The following FBXW4 variants were observed in gnomAD, a reference collection of about 807,000 sequenced individuals.
FBXW4 encodes the protein F-box/WD repeat-containing protein 4.
A neutral mutation model predicts 61.8 loss-of-function variants in FBXW4; 40 were observed. The observed-to-expected ratio is 0.65, with a 90% CI of 0.50 to 0.84. The LOEUF (loss-of-function observed/expected upper bound fraction) is 0.84, where lower values mean the gene tolerates loss of function less well. Among genes scored for constraint, FBXW4 ranks in the 40% least tolerant of loss-of-function variants. FBXW4 has a pLI of 0.00. For missense variants in FBXW4, 672 were observed against 753.8 expected, an observed-to-expected ratio of 0.89 and a Z score of 1.27; for synonymous variants, 311 against 313.8, an observed-to-expected ratio of 0.99 and a Z score of 0.10.
intron 5 of FBXW4, among the ~76,000 whole-genome samples, chr10:101,636,405 A>C (rs989802154): frequency 6.6e-6 from 1 of 151,900 alleles, no homozygotes; most frequent in Non-Finnish European, 1.5e-5. Context: ...CGGAAAAAAA[A>C]AAAACAAAAA....
intron 2 of FBXW4, among the ~76,000 whole-genome samples, chr10:101,674,201 C>T (rs1176741652): frequency 3.3e-5 from 5 of 152,096 alleles, no homozygotes; most frequent in Non-Finnish European, 2.9e-5. Flanking sequence ...TAGTGGTACA[C>T]GCCGGTAATC....
chr10:101,692,211 A>C (rs1292210725), intron 1 of FBXW4, among the ~76,000 whole-genome samples: 1 of 152,000 alleles, frequency 6.6e-6, no homozygotes, highest in Non-Finnish European at 1.5e-5. Context: ...TTAAAATAGT[A>C]TGGAAATGGA....
In FBXW4 at chr10:101,663,587, T is replaced by C. The variant is rs140181233; in HGVS notation, c.1235+4299A>G. Among the ~76,000 whole-genome samples, 41 of 152,016 alleles carry C rather than the reference T, an allele frequency of 2.7e-4. No individual in the cohort carries two copies. In the East Asian group the frequency reaches 7.5e-3, roughly 28 times the overall value. On this transcript the variant is annotated intron_variant, in intron 5 of 8. Transcript: ENST00000331272. ...TGGGAGGATCACTTGAACCCAATAG[T>C]TCAAGTGATATATAATTGTGCCACT...
At chr10:101,616,891 A>G (rs1214706713) in intron 6 of FBXW4, among the ~76,000 whole-genome samples, 1 of 152,246 alleles carries the variant, frequency 6.6e-6, no homozygotes, top group Non-Finnish European at 1.5e-5. Context: ...ACAAAAAGTG[A>G]CAATGTCGTA....
At chr10:101,624,922 A>G in intron 5 of FBXW4, 112 bp from the exon 6 acceptor site, 1 of 1,179,198 alleles carries the variant, frequency 8.5e-7, no homozygotes, top group South Asian at 1.3e-5. Context: ...GGGTTAAGCC[A>G]GAATGAGAGA....
In FBXW4 at chr10:101,611,656, C is replaced by T; in HGVS notation, c.1556G>A (p.Trp519Ter). The T allele has an allele frequency of 1.2e-6, 2 of 1,614,202 alleles. No individual in the cohort carries two copies. The highest frequency in any genetic ancestry group is 1.7e-6 in the Non-Finnish European group (2 of 1,180,028). The stretch of plus-strand genomic sequence containing the variant: ...CAGGCAGGCCCTTTGACGCCGGTCC[C>T]ACAGCCGTACAACACCGTAGTAGGA... ...GSSYYGVVRLWDRRQRACLHA... is the reference protein window; with the variant it reads ...GSSYYGVVRL The change falls in exon 8 of 9, where the codon TGG becomes TAG. Residue 519 changes from tryptophan (W) to a stop codon, truncating the protein, a stop_gained. Transcript: ENST00000331272. LOFTEE classifies it high-confidence loss of function. This position sits in a 1 kb window ranked among gnomAD's most constrained non-coding sequence, Gnocchi z 4.9.
rs765845910 is a variant in FBXW4 at position 101,694,395 on chromosome 10, C to T, written c.711G>A (p.Arg237=). 1.9e-5 allele frequency: 28 copies of T among 1,476,748 alleles called. No homozygotes were observed. The highest frequency in any genetic ancestry group is 7.2e-5 in the Admixed American group (3 of 41,932). 91.5% of individuals were successfully genotyped at this position (1,476,748 alleles called of 1,614,324 possible). The stretch of plus-strand genomic sequence containing the variant: ...CGGACGCTTACAGGTCGGTGCCGAG[C>T]CGCGTGAAGCCGGAGTTGAGCGAGG... The part of the protein sequence containing the change: ...ARASLNSGFT[R]LGTDLMTSVP... The change falls in exon 1 of 9, where the codon CGG becomes CGA. Residue 237 remains arginine (R), a synonymous_variant. Coordinates refer to ENST00000331272, the MANE Select transcript of FBXW4 (RefSeq NM_022039.4). This position sits in a 1 kb window ranked among gnomAD's most constrained non-coding sequence, Gnocchi z 6.0.
intron 6 of FBXW4, among the ~76,000 whole-genome samples, chr10:101,621,635 A>G (rs2063867735): frequency 6.6e-6 from 1 of 152,308 alleles, no homozygotes; most frequent in East Asian, 1.9e-4. Flanking sequence ...GGTGACAGGC[A>G]CTGTATGGGA....
At chr10:101,638,545 T>C (rs1195028723) in intron 5 of FBXW4, among the ~76,000 whole-genome samples, 2 of 151,082 alleles carry the variant, frequency 1.3e-5, no homozygotes, top group South Asian at 4.2e-4. Flanking sequence ...CTGAAGGAGA[T>C]TTTTCCTTTC....
intron 6 of FBXW4, 119 bp from the exon 7 acceptor site, chr10:101,612,596 A>C: frequency 1.2e-5 from 14 of 1,175,704 alleles, no homozygotes; most frequent in Non-Finnish European, 1.1e-5. Flanking sequence ...AATGAGACTC[A>C]AGGAAGGGGG....
intron 5 of FBXW4, among the ~76,000 whole-genome samples, chr10:101,650,903 G>A (rs1315862131): frequency 1.3e-5 from 2 of 152,216 alleles, no homozygotes; most frequent in Non-Finnish European, 2.9e-5. Context: ...CTCGAGAGAC[G>A]CGGCCTGTTG....
chr10:101,672,769 G>T, intron 4 of FBXW4, 146 bp downstream of exon 4: 1 of 871,952 alleles, frequency 1.1e-6, no homozygotes, highest in Non-Finnish European at 1.7e-6. Context: ...CTGCATGCCA[G>T]AGGCACATAA....
chr10:101,638,025 G>T (rs1019998531), intron 5 of FBXW4, among the ~76,000 whole-genome samples: 3 of 152,172 alleles, frequency 2.0e-5, no homozygotes, highest in African/African-American at 7.2e-5. Context: ...ACCTGATACG[G>T]TCTAACTGGA....
Position 101,673,196 on chromosome 10 carries a change from G to C in FBXW4, c.1008-149C>G, listed in dbSNP as rs1564922659. 5 of 989,230 alleles carry C rather than the reference G, an allele frequency of 5.1e-6. No individual in the cohort carries two copies. The South Asian group carries it at 8.6e-5, about 17-fold the overall frequency. The allele number at this position is 989,230 out of a possible 1,614,324, so 61.3% of individuals were successfully genotyped here. A position where few individuals can be genotyped will look rare whatever the true frequency, so the allele number is the denominator to read the frequency against. The stretch of plus-strand genomic sequence containing the variant: ...AGCCCAGTAAGGTGCTGACTTTCTA[G>C]ATACCTTTACTTCTTCAGCACACCT... On this transcript the variant is annotated intron_variant, in intron 3 of 8. Coordinates refer to ENST00000331272, the MANE Select transcript of FBXW4 (RefSeq NM_022039.4).
At chr10:101,617,438 G>A (rs1289721330) in intron 6 of FBXW4, among the ~76,000 whole-genome samples, 2 of 152,156 alleles carry the variant, frequency 1.3e-5, no homozygotes, top group African/African-American at 4.8e-5. Context: ...CTCTGGTGGA[G>A]GTAGTGAGAG....
At position 101,616,086 on chromosome 10, in the gene FBXW4, C is replaced by G. The variant is rs1051393459; in HGVS notation, c.1302-3609G>C. Among the ~76,000 whole-genome samples, 3 of 152,182 alleles carry G rather than the reference C, an allele frequency of 2.0e-5. No homozygotes were observed. In the South Asian group the frequency reaches 6.2e-4, roughly 31 times the overall value. ...GACCTATGCTCTGGAGACCCAGATG[C>G]TCATTCCTGCATCTGTTTGAGTCTG... On this transcript the variant is annotated intron_variant, in intron 6 of 8. Coordinates refer to ENST00000331272, the MANE Select transcript of FBXW4 (RefSeq NM_022039.4).
At chr10:101,683,216 C>T (rs1033454718) in intron 1 of FBXW4, among the ~76,000 whole-genome samples, 4 of 152,212 alleles carry the variant, frequency 2.6e-5, no homozygotes, top group African/African-American at 7.2e-5. Context: ...AGCCATTTCT[C>T]CATATGGTTA....
intron 5 of FBXW4, chr10:101,626,709 C>G (rs1049611611): frequency 6.6e-6 from 1 of 152,344 alleles, no homozygotes; most frequent in Admixed American, 6.5e-5. Context: ...AGTCTGGTCT[C>G]GATTTCTTGA....
chr10:101,615,696 T>C (rs1358643780), intron 6 of FBXW4, among the ~76,000 whole-genome samples: 3 of 151,940 alleles, frequency 2.0e-5, no homozygotes, highest in African/African-American at 4.8e-5. Flanking sequence ...AGGAGGGACA[T>C]TTACATGAAA....
Sources: allele counts gnomAD v4.1 joint callset (sites outside exome capture counted in the v4.1 genomes callset), GRCh38; gene constraint gnomAD v4.1.1; non-coding constraint Gnocchi (gnomAD v3.1); transcripts MANE v1.5; gene names NCBI Gene and HGNC (gene_info 2026-07-23, HGNC 2026-07-21).